CEP63: variants seen among roughly 807,000 people sequenced by gnomAD.
The protein encoded by CEP63 is centrosomal protein 63, also known as centrosomal protein of 63 kDa.
Under a neutral mutation model 89.1 loss-of-function variants are expected in CEP63, and 84 were observed. The ratio of observed to expected loss-of-function variants is 0.94; its 90% CI spans 0.79 to 1.13. The LOEUF (loss-of-function observed/expected upper bound fraction) is 1.13, where lower values mean the gene tolerates loss of function less well. Among genes scored for constraint, CEP63 ranks in the 50% most tolerant of loss-of-function variants. CEP63 has a pLI of 0.00. For synonymous variants in CEP63, 267 were observed against 272.5 expected, an observed-to-expected ratio of 0.98 and a Z score of 0.20; for missense variants, 838 against 813.3, an observed-to-expected ratio of 1.03 and a Z score of -0.37.
downstream of CEP63, among the ~76,000 whole-genome samples, chr3:134,566,764 A>T (rs531456610): frequency 9.2e-5 from 14 of 152,342 alleles, no homozygotes; most frequent in African/African-American, 3.4e-4. Flanking sequence ...AATAAAAAAA[A>T]AATGGACAAT....
the CEP63 span, among the ~76,000 whole-genome samples, chr3:134,694,327 A>G: frequency 1.3e-5 from 2 of 152,174 alleles, no homozygotes; most frequent in African/African-American, 2.4e-5. Flanking sequence ...CCCTCTGTCC[A>G]GGCTCCTCAT....
intron 14 of CEP63, among the ~76,000 whole-genome samples, chr3:134,560,696 C>G (rs1040447910): frequency 7.2e-5 from 11 of 151,968 alleles, no homozygotes; most frequent in African/African-American, 2.7e-4. Flanking sequence ...ATGATTTGTT[C>G]TAGGATTTAG....
the CEP63 span, among the ~76,000 whole-genome samples, chr3:134,633,560 A>G: frequency 6.6e-6 from 1 of 152,130 alleles, no homozygotes; most frequent in Non-Finnish European, 1.5e-5. Flanking sequence ...ACATCCGTTC[A>G]TGATAAAACC....
chr3:134,719,113 T>C, the CEP63 span, among the ~76,000 whole-genome samples: 77,602 of 152,042 alleles, frequency 0.51, 22,943 homozygotes, highest in East Asian at 0.78. Flanking sequence ...CTCTTCAAGG[T>C]GTGGTACAAG....
chr3:134,750,170 C>G, the CEP63 span, among the ~76,000 whole-genome samples: 1 of 152,188 alleles, frequency 6.6e-6, no homozygotes, highest in Admixed American at 6.5e-5. Context: ...GTGAGCTCTT[C>G]GGGGTTCCTT....
the CEP63 span, among the ~76,000 whole-genome samples, chr3:134,737,737 T>A: frequency 6.6e-6 from 1 of 152,188 alleles, no homozygotes; most frequent in South Asian, 2.1e-4. Flanking sequence ...GCACCTTAGA[T>A]TGGATGGCTA....
chr3:134,614,375 T>C, the CEP63 span, among the ~76,000 whole-genome samples: 1 of 152,106 alleles, frequency 6.6e-6, no homozygotes, highest in South Asian at 2.1e-4. Context: ...TCATGGCTGA[T>C]ATATATCCCA....
chr3:134,576,469 GCCCTTAGCAAT>G (rs1372112375), downstream of CEP63, among the ~76,000 whole-genome samples: 1 of 152,172 alleles, frequency 6.6e-6, no homozygotes, highest in Non-Finnish European at 1.5e-5. Context: ...ACACACCTGT[GCCCTTAGCAAT>G]TTGTATCACC....
intron 11 of CEP63, among the ~76,000 whole-genome samples, chr3:134,551,165 G>A (rs1265277343): frequency 1.3e-5 from 2 of 152,018 alleles, no homozygotes; most frequent in African/African-American, 4.8e-5. Flanking sequence ...AATAAAGGCT[G>A]GAATTTTGTA....
chr3:134,502,588 A>G (rs544771635), intron 2 of CEP63, among the ~76,000 whole-genome samples: 24 of 151,924 alleles, frequency 1.6e-4, no homozygotes, highest in African/African-American at 5.8e-4. Context: ...TTTCCTCTAG[A>G]TTTTCTAGCC....
chr3:134,730,951 G>A, the CEP63 span, among the ~76,000 whole-genome samples: 3 of 152,130 alleles, frequency 2.0e-5, no homozygotes, highest in African/African-American at 7.2e-5. Flanking sequence ...AATGGAAAAA[G>A]ATATTTGCCA....
intron 11 of CEP63, among the ~76,000 whole-genome samples, chr3:134,571,093 G>T (rs920075167): frequency 3.9e-5 from 6 of 152,176 alleles, no homozygotes; most frequent in African/African-American, 1.4e-4. Flanking sequence ...GATGAGATTT[G>T]GGCAGAGACA....
chr3:134,682,541 G>A, the CEP63 span, among the ~76,000 whole-genome samples: 3 of 152,162 alleles, frequency 2.0e-5, no homozygotes, highest in African/African-American at 4.8e-5. Flanking sequence ...CGCTACTTCT[G>A]TATCTCTGGA....
intron 1 of CEP63, among the ~76,000 whole-genome samples, chr3:134,494,820 A>G (rs975009999): frequency 6.6e-6 from 1 of 152,228 alleles, no homozygotes; most frequent in African/African-American, 2.4e-5. Context: ...GCCTGTCTTC[A>G]GGAGTGAGTA....
the CEP63 span, chr3:134,610,401 G>A: frequency 1.1e-5 from 18 of 1,600,024 alleles, no homozygotes; most frequent in South Asian, 2.0e-4. Flanking sequence ...CAGGACAGGG[G>A]GTCTGAGAGG....
chr3:134,721,254 T>A, the CEP63 span, among the ~76,000 whole-genome samples: 8 of 151,924 alleles, frequency 5.3e-5, no homozygotes, highest in Non-Finnish European at 1.0e-4. Context: ...ACAGCTTTTT[T>A]AAAAAAAATT....
At chr3:134,779,778 A>G in the CEP63 span, 1 of 152,230 alleles carries the variant, frequency 6.6e-6, no homozygotes, top group Non-Finnish European at 1.5e-5. Context: ...TCAATTTTGC[A>G]GAAACTGACT....
chr3:134,526,896 C>G (rs918874820), intron 3 of CEP63, among the ~76,000 whole-genome samples: 7 of 148,238 alleles, frequency 4.7e-5, no homozygotes, highest in African/African-American at 1.5e-4. Flanking sequence ...CCCCCAACTC[C>G]TAGACTGTGT....
the CEP63 span, among the ~76,000 whole-genome samples, chr3:134,700,904 T>C: frequency 1.3e-5 from 2 of 152,160 alleles, no homozygotes; most frequent in Non-Finnish European, 2.9e-5. Context: ...TGCTCTCCCT[T>C]GGCTGGTCTG....
Sources: gnomAD v4.1 joint callset for allele counts (sites outside exome capture counted in the v4.1 genomes callset) on GRCh38, gnomAD v4.1.1 for gene constraint, MANE v1.5 for transcripts, NCBI Gene and HGNC (gene_info 2026-07-23, HGNC 2026-07-21) for gene names.